The following DOCK3 variants were observed in gnomAD, a reference collection of about 807,000 sequenced individuals.
DOCK3 encodes the protein dedicator of cytokinesis 3.
In DOCK3, 60 loss-of-function variants were observed where a neutral mutation model predicts 265.6. The observed-to-expected ratio is 0.23, with a 90% CI of 0.18 to 0.28. The LOEUF (loss-of-function observed/expected upper bound fraction) is 0.28. Among genes scored for constraint, DOCK3 ranks in the 10% least tolerant of loss-of-function variants. The probability of loss-of-function intolerance (pLI) is 1.00; values close to 1 mark genes in which losing one functional copy is unlikely to be tolerated. For synonymous variants in DOCK3, 881 were observed against 938.0 expected, an observed-to-expected ratio of 0.94 and a Z score of 1.11; for missense variants, 1,981 against 2,594.3, an observed-to-expected ratio of 0.76 and a Z score of 5.14.
chr3:50,726,423 A>G (rs1327677983), intron 1 of DOCK3, among the ~76,000 whole-genome samples: 5 of 152,182 alleles, frequency 3.3e-5, no homozygotes, highest in Non-Finnish European at 7.3e-5. Flanking sequence ...GTCCATGTAC[A>G]TACCAGGGCT....
chr3:50,888,058 G>A (rs1175218681), intron 3 of DOCK3, among the ~76,000 whole-genome samples: 1 of 152,126 alleles, frequency 6.6e-6, no homozygotes, highest in Non-Finnish European at 1.5e-5. Flanking sequence ...TAGGAAAAGA[G>A]GAAGTCAAAT....
At chr3:50,830,639 G>A (rs1244720284) in intron 2 of DOCK3, among the ~76,000 whole-genome samples, 1 of 152,130 alleles carries the variant, frequency 6.6e-6, no homozygotes, top group East Asian at 1.9e-4. Flanking sequence ...TCTGTATAGA[G>A]GCTTCATTCT....
chr3:50,760,502 A>G (rs2108382863), intron 1 of DOCK3, among the ~76,000 whole-genome samples: 1 of 152,324 alleles, frequency 6.6e-6, no homozygotes, highest in South Asian at 2.1e-4. Flanking sequence ...ACTAAATTAT[A>G]TGAGGCATTG....
Position 51,248,665 on chromosome 3 carries a change from T to C in DOCK3, c.2184+1858T>C, listed in dbSNP as rs1036346748. 4.6e-5 allele frequency among the ~76,000 whole-genome samples: 7 copies of C among 150,890 alleles called. No individual in the cohort carries two copies. The East Asian group carries it at 9.9e-4, about 21-fold the overall frequency. On this transcript the variant is annotated intron_variant, in intron 22 of 52. Coordinates refer to ENST00000266037, the MANE Select transcript of DOCK3 (RefSeq NM_004947.5). ...CCGCCTGGCCGCCCATCGTCTGGGA[T>C]GTGAGGAGCCCCTCTGCCTGGCTGC...
chr3:51,264,041 A>G (rs1325570023), intron 23 of DOCK3, among the ~76,000 whole-genome samples: 1 of 152,194 alleles, frequency 6.6e-6, no homozygotes, highest in African/African-American at 2.4e-5. Context: ...AGAACTTGAA[A>G]TCAGCTCTGG....
At chr3:51,292,219 A>C (rs945382937) in intron 27 of DOCK3, among the ~76,000 whole-genome samples, 1 of 152,228 alleles carries the variant, frequency 6.6e-6, no homozygotes, top group African/African-American at 2.4e-5. Context: ...TCTGTTCAAC[A>C]CAATACTAAG....
intron 6 of DOCK3, among the ~76,000 whole-genome samples, chr3:51,072,872 AT>A (rs748566865): frequency 0.013 from 1,834 of 138,710 alleles, 10 homozygotes; most frequent in Admixed American, 0.018. Context: ...AACCTGGCTA[AT>A]TTTTTTTTTT....
intron 9 of DOCK3, among the ~76,000 whole-genome samples, chr3:51,093,927 A>G (rs1193408292): frequency 6.6e-6 from 1 of 152,134 alleles, no homozygotes; most frequent in African/African-American, 2.4e-5. Context: ...TGAGATAAAC[A>G]TGTGGTTTTT....
chr3:50,758,317 A>G (rs959705691), intron 1 of DOCK3, among the ~76,000 whole-genome samples: 2 of 151,234 alleles, frequency 1.3e-5, no homozygotes, highest in African/African-American at 2.4e-5. Flanking sequence ...TATCTTCACA[A>G]TTGTAATTTT....
In DOCK3 at chr3:51,381,210, A is replaced by T; in HGVS notation, c.5744A>T (p.Asp1915Val). ...SEAPPRTDTMDSMPSQAWNAD... is the reference protein window; with the variant it reads ...SEAPPRTDTMVSMPSQAWNAD... Reference sequence around the variant, plus strand: ...GCCCCACCTCGCACTGACACCATGGACTCCATGCCAAGTCAGGCCTGGAAT... The same window carrying T: ...GCCCCACCTCGCACTGACACCATGGTCTCCATGCCAAGTCAGGCCTGGAAT... The change falls in exon 53 of 53, where the codon GAC becomes GTC. Residue 1915 changes from aspartate to valine, a missense_variant. Asp to Val is a radical substitution (Grantham distance 152, BLOSUM62 -3). Around this residue, in one of 4 missense-constraint regions of DOCK3, gnomAD observed 1,357 missense variants for 1,866.8 expected, o/e 0.73. Transcript: ENST00000266037. The surrounding 1 kb of genome is among the most constrained non-coding windows in gnomAD (Gnocchi z 5.6). 1 of 1,613,360 alleles carries T rather than the reference A, an allele frequency of 6.2e-7. No individual in the cohort carries two copies. Among genetic ancestry groups the T allele is most frequent in the South Asian group, 1.1e-5 (1 of 91,046 alleles).
At chr3:50,794,355 T>C (rs1437802699) in intron 2 of DOCK3, among the ~76,000 whole-genome samples, 2 of 152,200 alleles carry the variant, frequency 1.3e-5, no homozygotes, top group Non-Finnish European at 2.9e-5. Context: ...ACTATTGTTG[T>C]GTGGGAGTCT....
intron 5 of DOCK3, among the ~76,000 whole-genome samples, chr3:51,017,938 G>T (rs759647686): frequency 2.0e-5 from 3 of 151,656 alleles, no homozygotes; most frequent in Non-Finnish European, 2.9e-5. Flanking sequence ...TGTTGCCCAG[G>T]CTGGAGTGCA....
intron 5 of DOCK3, among the ~76,000 whole-genome samples, chr3:50,936,436 A>G (rs1296890891): frequency 1.3e-5 from 2 of 151,922 alleles, no homozygotes; most frequent in Non-Finnish European, 2.9e-5. Flanking sequence ...GGCGGAAGAC[A>G]TAAGTGTTTT....
Position 51,161,079 on chromosome 3 carries a change from G to GAA in DOCK3, c.1037+390_1037+391dup, listed in dbSNP as rs1436786447. ...CAACAGAGCGACACTCCGTTTCAAA[G>GAA]AAAAAAAAAAAAAACAAAAACACCT... On this transcript the variant is annotated intron_variant, in intron 12 of 52. Coordinates refer to ENST00000266037, the MANE Select transcript of DOCK3 (RefSeq NM_004947.5). Among the ~76,000 whole-genome samples, 45 of 53,008 alleles carry GAA rather than the reference G, an allele frequency of 8.5e-4. 3 individuals are homozygous for GAA. Among genetic ancestry groups the GAA allele is most frequent in the Non-Finnish European group, 1.1e-3 (25 of 22,604 alleles). 34.8% of individuals were successfully genotyped at this position (53,008 alleles called of 152,430 possible). A position where few individuals can be genotyped will look rare whatever the true frequency, so the allele number is the denominator to read the frequency against.
At chr3:50,905,132 T>G (rs930829135) in intron 4 of DOCK3, among the ~76,000 whole-genome samples, 13 of 152,036 alleles carry the variant, frequency 8.6e-5, no homozygotes, top group Admixed American at 2.0e-4. Context: ...TCTCTGTTTT[T>G]GTACCAGTAC....
intron 23 of DOCK3, among the ~76,000 whole-genome samples, chr3:51,264,829 A>AAAATAAATAAATCAAT (rs2080069578): frequency 7.0e-6 from 1 of 142,160 alleles, no homozygotes; most frequent in Admixed American, 7.0e-5. Flanking sequence ...TCAGTCTCAA[A>AAAATAAATAAATCAAT]AAATAAATAA....
At chr3:51,154,185 C>T (rs1485140165) in intron 10 of DOCK3, among the ~76,000 whole-genome samples, 2 of 152,234 alleles carry the variant, frequency 1.3e-5, no homozygotes, top group South Asian at 2.1e-4. Flanking sequence ...AATGATGTTA[C>T]TGCAGAATCA....
At chr3:51,133,795 A>G (rs1310378254) in intron 9 of DOCK3, among the ~76,000 whole-genome samples, 1 of 152,112 alleles carries the variant, frequency 6.6e-6, no homozygotes, top group African/African-American at 2.4e-5. Flanking sequence ...GTCAGGCTGA[A>G]TTTATTGATT....
chr3:51,250,700 G>A (rs1347493104), intron 22 of DOCK3, among the ~76,000 whole-genome samples: 1 of 152,178 alleles, frequency 6.6e-6, no homozygotes, highest in East Asian at 1.9e-4. Context: ...GGCTGGAAAG[G>A]AGGGTTTACT....
Sources: allele counts gnomAD v4.1 joint callset (sites outside exome capture counted in the v4.1 genomes callset), GRCh38; gene constraint gnomAD v4.1.1; regional missense constraint gnomAD v4.1.1; non-coding constraint Gnocchi (gnomAD v3.1); transcripts MANE v1.5; gene names NCBI Gene and HGNC (gene_info 2026-07-23, HGNC 2026-07-21).